Variants in DPP10 observed in about 807,000 individuals in gnomAD.
DPP10 encodes dipeptidyl peptidase like 10, also known as inactive dipeptidyl peptidase 10.
DPP10 carries 33 observed loss-of-function variants against 120.9 expected under a neutral mutation model. The observed-to-expected ratio is 0.27, with a 90% CI of 0.21 to 0.37. The LOEUF (loss-of-function observed/expected upper bound fraction) is 0.37, where lower values mean the gene tolerates loss of function less well. Among genes scored for constraint, DPP10 ranks in the 10% least tolerant of loss-of-function variants. The pLI, the probability that DPP10 is intolerant of heterozygous loss-of-function variation, is 1.00. For missense variants in DPP10, 816 were observed against 942.8 expected (o/e 0.87, Z 1.76); for synonymous variants, 337 against 326.1 (o/e 1.03, Z -0.36).
chr2:115,504,016 T>A (rs2148808452), intron 4 of DPP10, among the ~76,000 whole-genome samples: 1 of 152,272 alleles, frequency 6.6e-6, no homozygotes, highest in Non-Finnish European at 1.5e-5. Flanking sequence ...TAATGACTTT[T>A]AAATTGATAA....
At chr2:115,505,934 C>A (rs189886815) in intron 4 of DPP10, among the ~76,000 whole-genome samples, 18 of 152,002 alleles carry the variant, frequency 1.2e-4, no homozygotes, top group African/African-American at 4.3e-4. Flanking sequence ...TATATCAGAA[C>A]ATCACATTTT....
At chr2:115,260,172 TATG>T (rs773192361) in intron 1 of DPP10, among the ~76,000 whole-genome samples, 104 of 151,104 alleles carry the variant, frequency 6.9e-4, no homozygotes, top group Admixed American at 2.4e-3. Flanking sequence ...ATACATTAAT[TATG>T]ATATATAATT....
chr2:115,808,394 T>G (rs1189001242), intron 19 of DPP10, among the ~76,000 whole-genome samples: 1 of 152,118 alleles, frequency 6.6e-6, no homozygotes, highest in Non-Finnish European at 1.5e-5. Context: ...ATAGAGATAG[T>G]CAGATTTGGG....
chr2:114,585,300 A>G (rs1006839905), intron 1 of DPP10, among the ~76,000 whole-genome samples: 1 of 152,124 alleles, frequency 6.6e-6, no homozygotes, highest in Non-Finnish European at 1.5e-5. Context: ...GACTGCCTGC[A>G]TTCTATGCCA....
At chr2:114,559,905 A>G (rs967168461) in intron 1 of DPP10, among the ~76,000 whole-genome samples, 1 of 151,748 alleles carries the variant, frequency 6.6e-6, no homozygotes, top group African/African-American at 2.4e-5. Flanking sequence ...AAAAAAAAAA[A>G]AAAAAAACAA....
intron 13 of DPP10, among the ~76,000 whole-genome samples, chr2:115,769,257 T>C (rs1238063289): frequency 6.6e-6 from 1 of 152,012 alleles, no homozygotes; most frequent in Non-Finnish European, 1.5e-5. Context: ...CTAAGAGTAA[T>C]TTCATACTTA....
intron 19 of DPP10, among the ~76,000 whole-genome samples, chr2:115,812,409 G>C (rs1430930184): frequency 6.6e-6 from 1 of 152,062 alleles, no homozygotes; most frequent in African/African-American, 2.4e-5. Context: ...GGCATGATTC[G>C]TGCTAGTTCT....
At chr2:114,998,220 T>G (rs572266132) in intron 1 of DPP10, among the ~76,000 whole-genome samples, 4 of 152,220 alleles carry the variant, frequency 2.6e-5, no homozygotes, top group Admixed American at 2.6e-4. Context: ...GTTTATGTTG[T>G]TAGATCAAAA....
At chr2:114,928,789 C>T (rs770130941) in intron 1 of DPP10, among the ~76,000 whole-genome samples, 6 of 152,116 alleles carry the variant, frequency 3.9e-5, no homozygotes, top group Non-Finnish European at 5.9e-5. Flanking sequence ...CAAGCTTTCA[C>T]CACTCTTGCA....
At chr2:115,380,040 T>C (rs948517881) in intron 3 of DPP10, among the ~76,000 whole-genome samples, 2 of 152,164 alleles carry the variant, frequency 1.3e-5, no homozygotes, top group Admixed American at 6.5e-5. Context: ...TCATTTGGGG[T>C]GGAGAGTTCT....
At chr2:114,747,746 G>A (rs377262241) in intron 1 of DPP10, among the ~76,000 whole-genome samples, 1 of 152,096 alleles carries the variant, frequency 6.6e-6, no homozygotes, top group South Asian at 2.1e-4. Flanking sequence ...ATTATTCTTG[G>A]TTACTACAGT....
chr2:114,872,137 C>G (rs1176982707), intron 1 of DPP10, among the ~76,000 whole-genome samples: 1 of 152,090 alleles, frequency 6.6e-6, no homozygotes, highest in African/African-American at 2.4e-5. Context: ...AAGAAATACC[C>G]AAGACTCGGT....
intron 5 of DPP10, among the ~76,000 whole-genome samples, chr2:115,540,089 G>A (rs1184465620): frequency 1.3e-5 from 2 of 151,832 alleles, no homozygotes; most frequent in African/African-American, 4.8e-5. Context: ...AAGAAATGTA[G>A]AATATAATTA....
At chr2:115,058,303 A>T (rs75964159) in intron 1 of DPP10, among the ~76,000 whole-genome samples, 2 of 136,856 alleles carry the variant, frequency 1.5e-5, no homozygotes, top group South Asian at 2.4e-4. Context: ...AAAAAAAAAA[A>T]GGCACACTCC....
At chr2:115,758,328 G>GA (rs35323058) in intron 11 of DPP10, among the ~76,000 whole-genome samples, 19 of 151,418 alleles carry the variant, frequency 1.3e-4, no homozygotes, top group African/African-American at 4.1e-4. Flanking sequence ...GTGATATTAA[G>GA]AAAAAAAATC....
intron 3 of DPP10, among the ~76,000 whole-genome samples, chr2:115,437,473 A>G (rs2071599248): frequency 6.6e-6 from 1 of 152,024 alleles, no homozygotes; most frequent in South Asian, 2.1e-4. Context: ...AATGATTAAA[A>G]GAGGAACTTG....
chr2:115,402,902 T>G (rs897254605), intron 3 of DPP10, among the ~76,000 whole-genome samples: 8 of 132,504 alleles, frequency 6.0e-5, no homozygotes, highest in African/African-American at 1.9e-4. Context: ...TATATATATA[T>G]GTATATATAT....
intron 3 of DPP10, among the ~76,000 whole-genome samples, chr2:115,413,767 T>C (rs993871120): frequency 6.6e-6 from 1 of 152,200 alleles, no homozygotes; most frequent in African/African-American, 2.4e-5. Flanking sequence ...AAGCCAGATA[T>C]AAATTTCTAC....
Position 115,230,784 on chromosome 2 carries a change from A to G in DPP10, c.61-78455A>G, listed in dbSNP as rs145476973. Among the ~76,000 whole-genome samples, 22 of 152,160 alleles carry G rather than the reference A, an allele frequency of 1.4e-4. No homozygotes were observed. In the East Asian group the frequency reaches 4.1e-3, roughly 28 times the overall value. Reference sequence around the variant, plus strand: ...AAAATTGGAAACAACAGACACGTATAAGGAAGAAAAATCCATAGTATTCTA... The same window carrying G: ...AAAATTGGAAACAACAGACACGTATGAGGAAGAAAAATCCATAGTATTCTA... On this transcript the variant is annotated intron_variant, in intron 1 of 25. Coordinates refer to ENST00000410059, the MANE Select transcript of DPP10 (RefSeq NM_020868.6).
Sources: gnomAD v4.1 joint callset for allele counts (sites outside exome capture counted in the v4.1 genomes callset) on GRCh38, gnomAD v4.1.1 for gene constraint, MANE v1.5 for transcripts, NCBI Gene and HGNC (gene_info 2026-07-23, HGNC 2026-07-21) for gene names.